Variants in TGM3 observed in about 807,000 individuals in gnomAD.
TGM3 encodes the protein transglutaminase 3.
Under a neutral mutation model 73.8 loss-of-function variants are expected in TGM3, and 52 were observed. The observed-to-expected ratio is 0.70, with a 90% confidence interval of 0.56 to 0.89. TGM3 has a LOEUF of 0.89. TGM3 is among the 40% of genes least tolerant of loss of function. The pLI is 0.00. For synonymous variants in TGM3, 372 were observed against 354.9 expected, an observed-to-expected ratio of 1.05 and a Z score of -0.54; for missense variants, 928 against 909.9, an observed-to-expected ratio of 1.02 and a Z score of -0.26.
At chr20:2,335,380 G>C (rs1434100942) in intron 11 of TGM3, 107 bp downstream of exon 11, 1 of 1,416,434 alleles carries the variant, frequency 7.1e-7, no homozygotes, top group Admixed American at 2.2e-5. Flanking sequence ...GGGCAAAGGA[G>C]AGTTTTTTCT....
chr20:2,328,407 T>C lies in TGM3; in HGVS notation c.1333+42T>C, dbSNP rs1251837280. ...CGGGGCAGTGCCGCGAGAGGTTCTA[T>C]TGTGGGAGGATGGCTCTGAGGCTGG... On this transcript the variant is annotated intron_variant, in intron 9 of 12. Coordinates refer to ENST00000381458, the MANE Select transcript of TGM3 (RefSeq NM_003245.4). The surrounding 1 kb of genome is among the most constrained non-coding windows in gnomAD (Gnocchi z 5.2). 2.5e-6 allele frequency: 4 copies of C among 1,608,948 alleles called. No homozygotes were observed. The highest frequency in any genetic ancestry group is 3.4e-6 in the Non-Finnish European group (4 of 1,176,678).
chr20:2,322,566 G>A (rs1166399167), intron 7 of TGM3, among the ~76,000 whole-genome samples: 1 of 152,136 alleles, frequency 6.6e-6, no homozygotes, highest in Non-Finnish European at 1.5e-5. Flanking sequence ...TACATAAAAT[G>A]GAATCTACTG....
chr20:2,316,757 C>T (rs1358121540), intron 5 of TGM3, among the ~76,000 whole-genome samples: 1 of 152,130 alleles, frequency 6.6e-6, no homozygotes, highest in East Asian at 1.9e-4. Flanking sequence ...TTGTGCCCTG[C>T]CTTGCCACAG....
intron 11 of TGM3, 111 bp downstream of exon 11, chr20:2,335,384 T>A: frequency 7.3e-7 from 1 of 1,370,768 alleles, no homozygotes; most frequent in Non-Finnish European, 9.9e-7. Context: ...AAAGGAGAGT[T>A]TTTTCTTGCT....
In TGM3 at chr20:2,340,560, G is replaced by T. The variant is rs751930088; in HGVS notation, c.2061G>T (p.Leu687Phe). Residue 687 changes from leucine (L) to phenylalanine (F), a missense_variant, in exon 13 of 13, where the codon TTG (leucine) becomes TTT (phenylalanine). Leu to Phe is a conservative substitution (Grantham distance 22). Transcript: ENST00000381458. Reference protein sequence around the residue: ...CNKFPAIKAMLSIDVAE With the variant: ...CNKFPAIKAMFSIDVAE ...AGTTCCCTGCAATCAAGGCCATGTT[G>T]TCCATCGATGTAGCCGAATGAAGGG... 4.3e-6 allele frequency: 7 copies of T among 1,614,032 alleles called. No individual in the cohort carries two copies. The African/African-American group carries it at 9.3e-5, about 22-fold the overall frequency.
intron 1 of TGM3, among the ~76,000 whole-genome samples, chr20:2,298,655 C>G (rs1332707715): frequency 6.6e-6 from 1 of 152,242 alleles, no homozygotes; most frequent in African/African-American, 2.4e-5. Context: ...CCAAACCGTT[C>G]TCCTTGGAGC....
chr20:2,299,326 C>T (rs1373873861), intron 1 of TGM3, among the ~76,000 whole-genome samples: 1 of 152,206 alleles, frequency 6.6e-6, no homozygotes, highest in Admixed American at 6.5e-5. Flanking sequence ...AGGGGACCCT[C>T]TCCATTAAGC....
At chr20:2,329,078 A>C (rs1443500978) in intron 9 of TGM3, among the ~76,000 whole-genome samples, 1 of 152,248 alleles carries the variant, frequency 6.6e-6, no homozygotes, top group African/African-American at 2.4e-5. Flanking sequence ...GTTCATTTTT[A>C]GAAACAGCCA....
At chr20:2,331,877 G>C in intron 9 of TGM3, 125 bp from the exon 10 acceptor site, 1 of 1,153,074 alleles carries the variant, frequency 8.7e-7, no homozygotes, top group Non-Finnish European at 1.2e-6. Context: ...TGTGAAAGTC[G>C]AATGCCTGCT....
At chr20:2,331,822 CA>C (rs748857576) in intron 9 of TGM3, among the ~76,000 whole-genome samples, 179 bp from the exon 10 acceptor site, 7 of 152,172 alleles carry the variant, frequency 4.6e-5, no homozygotes, top group Non-Finnish European at 1.0e-4. Flanking sequence ...CGCCAGAGAC[CA>C]ACTGGTCTGT....
Position 2,332,369 on chromosome 20 carries a change from G to C in TGM3, c.1642+59G>C. The C allele has an allele frequency of 6.8e-7, 1 of 1,473,200 alleles. No homozygotes were observed. The highest frequency in any genetic ancestry group is 2.3e-5 in the Admixed American group (1 of 43,246). The allele number at this position is 1,473,200 out of a possible 1,614,324, so 91.3% of individuals were successfully genotyped here. A position where few individuals can be genotyped will look rare whatever the true frequency, so the allele number is the denominator to read the frequency against. ...ATCCGAGGTAGCCAATGGCCTTCTG[G>C]GGCTGCAGGGTGTCTGCTGGGCTCC... On this transcript the variant is annotated intron_variant, in intron 10 of 12. Coordinates refer to ENST00000381458, the MANE Select transcript of TGM3 (RefSeq NM_003245.4). This position sits in a 1 kb window ranked among gnomAD's most constrained non-coding sequence, Gnocchi z 4.4.
chr20:2,337,723 A>G (rs1038130851), intron 11 of TGM3, among the ~76,000 whole-genome samples: 18 of 152,216 alleles, frequency 1.2e-4, no homozygotes, highest in African/African-American at 3.6e-4. Context: ...CCGTCAAAAA[A>G]AAAAAAAATT....
At position 2,319,233 on chromosome 20, in the gene TGM3, A is replaced by G. The variant is rs537240919; in HGVS notation, c.983+1748A>G. On this transcript the variant is annotated intron_variant, in intron 7 of 12. Coordinates refer to ENST00000381458, the MANE Select transcript of TGM3 (RefSeq NM_003245.4). ...TCTACAAAAGGAGATGGTTGGTGAG[A>G]CAAGTTGGGGGTCCCCTCGGCATAC... Among the ~76,000 whole-genome samples the G allele has an allele frequency of 7.9e-5, 12 of 152,288 alleles. No individual in the cohort carries two copies. In the South Asian group the frequency reaches 2.5e-3, roughly 32 times the overall value.
Position 2,317,434 on chromosome 20 carries a change from T to G in TGM3, c.932T>G (p.Val311Gly), listed in dbSNP as rs370570929. ...ACAGACCGAAATCTCAGTGTGGATG[T>G]GTACTACGACCCCATGGGAAACCCC... ...HDTDRNLSVD[V>G]YYDPMGNPLD... The change falls in exon 7 of 13, where the codon GTG becomes GGG. Residue 311 changes from valine to glycine, a missense_variant. Coordinates refer to ENST00000381458, the MANE Select transcript of TGM3 (RefSeq NM_003245.4). 2 of 1,614,158 alleles carry G rather than the reference T, an allele frequency of 1.2e-6. No individual in the cohort carries two copies. Among genetic ancestry groups the G allele is most frequent in the Non-Finnish European group, 1.7e-6 (2 of 1,180,054 alleles).
chr20:2,312,932 T>G lies in TGM3; in HGVS notation c.575T>G (p.Ile192Ser), dbSNP rs768852509. The change falls in exon 5 of 13, where the codon ATC becomes AGC. Residue 192 changes from isoleucine (I) to serine (S), a missense_variant. Ile to Ser is a moderately radical substitution (Grantham distance 142). Transcript: ENST00000381458. ...GACATTCTCAGCATCTGCCTCTCAA[T>G]CTTGGATAGGAGTCTGAATTTCCGC... ...EEDILSICLS[I>S]LDRSLNFRRD... 10 of 1,614,060 alleles carry G rather than the reference T, an allele frequency of 6.2e-6. No individual in the cohort carries two copies. The highest frequency in any genetic ancestry group is 8.5e-6 in the Non-Finnish European group (10 of 1,180,030).
chr20:2,302,017 G>C (rs1171543221), intron 1 of TGM3, among the ~76,000 whole-genome samples: 1 of 152,044 alleles, frequency 6.6e-6, no homozygotes, highest in African/African-American at 2.4e-5. Flanking sequence ...TAGCATTTCT[G>C]TCAGCCCTCA....
At chr20:2,327,919 G>T (rs981578203) in intron 8 of TGM3, among the ~76,000 whole-genome samples, 2 of 152,206 alleles carry the variant, frequency 1.3e-5, no homozygotes, top group South Asian at 2.1e-4. Context: ...TTATGTAGAG[G>T]TTGAGTTCGA....
intron 2 of TGM3, 71 bp downstream of exon 2, chr20:2,309,901 C>G (rs214805): frequency 1.3e-6 from 2 of 1,590,758 alleles, no homozygotes; most frequent in South Asian, 2.3e-5. Context: ...CAAGGACTGA[C>G]GGGGACCACA....
At chr20:2,309,965 C>T in intron 2 of TGM3, 135 bp downstream of exon 2, 1 of 1,400,266 alleles carries the variant, frequency 7.1e-7, no homozygotes, top group Non-Finnish European at 9.7e-7. Flanking sequence ...TTCAGTGTGG[C>T]CTTGGGCAAG....
Sources: allele counts gnomAD v4.1 joint callset (sites outside exome capture counted in the v4.1 genomes callset), GRCh38; gene constraint gnomAD v4.1.1; non-coding constraint Gnocchi (gnomAD v3.1); transcripts MANE v1.5; gene names NCBI Gene and HGNC (gene_info 2026-07-23, HGNC 2026-07-21).